The following MAF variants were observed in gnomAD, a reference collection of about 807,000 sequenced individuals.
MAF encodes transcription factor Maf.
Under a neutral mutation model 22.0 loss-of-function variants are expected in MAF, and 10 were observed. The observed-to-expected ratio is 0.45, with a 90% confidence interval of 0.28 to 0.77. The LOEUF is 0.77. Among genes scored for constraint, MAF ranks in the 30% least tolerant of loss-of-function variants. The pLI is 0.12. For synonymous variants in MAF, 337 were observed against 255.8 expected (o/e 1.32, Z -3.03); for missense variants, 544 against 548.4 (o/e 0.99, Z 0.08).
chr16:79,554,457 T>C, the MAF span, among the ~76,000 whole-genome samples: 1 of 152,076 alleles, frequency 6.6e-6, no homozygotes, highest in Non-Finnish European at 1.5e-5. Flanking sequence ...TTGAAAGCCA[T>C]AGGAAAAGCT....
At chr16:79,589,721 C>T (rs1199879889), downstream of MAF, among the ~76,000 whole-genome samples, 1 of 152,156 alleles carries the variant, frequency 6.6e-6, no homozygotes, top group South Asian at 2.1e-4. Context: ...TGATATCCCC[C>T]GGAGCTCGCT....
chr16:79,254,846 A>T, the MAF span, among the ~76,000 whole-genome samples: 1 of 152,224 alleles, frequency 6.6e-6, no homozygotes, highest in Non-Finnish European at 1.5e-5. Context: ...CAGCTCAACC[A>T]TTGATCATTT....
chr16:79,430,979 T>C, the MAF span, among the ~76,000 whole-genome samples: 3 of 152,186 alleles, frequency 2.0e-5, no homozygotes, highest in Non-Finnish European at 4.4e-5. Context: ...GACTTCCCTC[T>C]TTTCTACTAG....
chr16:79,314,088 A>C, the MAF span, among the ~76,000 whole-genome samples: 4 of 152,072 alleles, frequency 2.6e-5, no homozygotes, highest in African/African-American at 9.7e-5. Context: ...CATTCCTAAA[A>C]CGGGGATGCA....
the MAF span, among the ~76,000 whole-genome samples, chr16:79,341,102 C>T: frequency 6.6e-6 from 1 of 152,134 alleles, no homozygotes; most frequent in Non-Finnish European, 1.5e-5. Flanking sequence ...TGTGATGGAG[C>T]AGAGTGTAGG....
At chr16:79,334,791 G>A in the MAF span, among the ~76,000 whole-genome samples, 1 of 151,962 alleles carries the variant, frequency 6.6e-6, no homozygotes, top group African/African-American at 2.4e-5. Context: ...GAAAGGATCA[G>A]TAGTGAGTTT....
chr16:79,442,270 C>T, the MAF span, among the ~76,000 whole-genome samples: 1 of 152,152 alleles, frequency 6.6e-6, no homozygotes. Context: ...TGACATAATC[C>T]TTGAAATAAT....
At chr16:79,350,225 G>T in the MAF span, among the ~76,000 whole-genome samples, 1 of 152,166 alleles carries the variant, frequency 6.6e-6, no homozygotes, top group African/African-American at 2.4e-5. Flanking sequence ...AGCTATGCTT[G>T]TTGGTGAAAT....
chr16:79,545,045 C>T, the MAF span, among the ~76,000 whole-genome samples: 1 of 152,042 alleles, frequency 6.6e-6, no homozygotes, highest in Non-Finnish European at 1.5e-5. Context: ...AGGATGGTGT[C>T]CTTCACCACT....
At chr16:79,470,807 G>C in the MAF span, among the ~76,000 whole-genome samples, 1 of 152,172 alleles carries the variant, frequency 6.6e-6, no homozygotes, top group Admixed American at 6.5e-5. Flanking sequence ...CGGATGAATG[G>C]ATGACTGAAG....
the MAF span, among the ~76,000 whole-genome samples, chr16:79,438,326 G>C: frequency 6.6e-6 from 1 of 152,184 alleles, no homozygotes; most frequent in Non-Finnish European, 1.5e-5. Context: ...TTTGGAGGTA[G>C]AGCAGTTAAT....
At chr16:79,258,266 CAT>C in the MAF span, among the ~76,000 whole-genome samples, 1 of 152,190 alleles carries the variant, frequency 6.6e-6, no homozygotes, top group Non-Finnish European at 1.5e-5. Context: ...GCTCGTAAAA[CAT>C]GTGCAACACT....
the MAF span, among the ~76,000 whole-genome samples, chr16:79,323,774 G>T: frequency 1.3e-5 from 2 of 152,076 alleles, no homozygotes; most frequent in African/African-American, 4.8e-5. Context: ...TTTCCCAGAG[G>T]GTTAAGGAAA....
chr16:79,449,458 G>C, the MAF span, among the ~76,000 whole-genome samples: 1 of 152,202 alleles, frequency 6.6e-6, no homozygotes, highest in Non-Finnish European at 1.5e-5. Flanking sequence ...CGGTGTGCTT[G>C]TTATTTAGTT....
the MAF span, among the ~76,000 whole-genome samples, chr16:79,339,464 T>C: frequency 6.6e-6 from 1 of 152,118 alleles, no homozygotes; most frequent in Non-Finnish European, 1.5e-5. Flanking sequence ...GACCCACACA[T>C]GAAAGAAGCC....
the MAF span, among the ~76,000 whole-genome samples, chr16:79,519,969 C>T: frequency 6.6e-6 from 1 of 152,344 alleles, no homozygotes; most frequent in African/African-American, 2.4e-5. Flanking sequence ...TGGAAGGGAA[C>T]TCTGTCTGTG....
At chr16:79,531,800 G>A in the MAF span, among the ~76,000 whole-genome samples, 1 of 152,150 alleles carries the variant, frequency 6.6e-6, no homozygotes, top group Non-Finnish European at 1.5e-5. Context: ...TGGTTCCTAA[G>A]AGGCCACAGA....
the MAF span, among the ~76,000 whole-genome samples, chr16:79,338,043 C>T: frequency 6.6e-6 from 1 of 152,128 alleles, no homozygotes; most frequent in Non-Finnish European, 1.5e-5. Context: ...AGGACGAGTC[C>T]CTGTCTTTGA....
At chr16:79,291,114 G>T in the MAF span, among the ~76,000 whole-genome samples, 1 of 152,074 alleles carries the variant, frequency 6.6e-6, no homozygotes, top group African/African-American at 2.4e-5. Flanking sequence ...CCTGCTTGTG[G>T]AAGCCCCGCT....
Sources: allele counts gnomAD v4.1 joint callset (sites outside exome capture counted in the v4.1 genomes callset), GRCh38; gene constraint gnomAD v4.1.1; transcripts MANE v1.5; gene names NCBI Gene and HGNC (gene_info 2026-07-23, HGNC 2026-07-21).